GLIS3: variants seen among roughly 807,000 people sequenced by gnomAD.
The protein encoded by GLIS3 is GLIS family zinc finger 3, also known as zinc finger protein GLIS3.
In GLIS3, 53 loss-of-function variants were observed where a neutral mutation model predicts 78.6. The observed-to-expected ratio is 0.67, with a 90% CI of 0.54 to 0.85. The LOEUF (loss-of-function observed/expected upper bound fraction) is 0.85. Among genes scored for constraint, GLIS3 ranks in the 40% least tolerant of loss-of-function variants. The pLI is 0.00. For synonymous variants in GLIS3, 684 were observed against 509.9 expected, an observed-to-expected ratio of 1.34 and a Z score of -4.60; for missense variants, 1,703 against 1,231.1, an observed-to-expected ratio of 1.38 and a Z score of -5.74.
intron 2 of GLIS3, among the ~76,000 whole-genome samples, chr9:4,263,462 C>T (rs988902111): frequency 6.6e-6 from 1 of 151,214 alleles, no homozygotes; most frequent in Non-Finnish European, 1.5e-5. Context: ...TTGCCCCTGG[C>T]AAGACTAAAA....
Position 4,242,373 on chromosome 9 carries a change from T to C in GLIS3, c.388+43665A>G, listed in dbSNP as rs938303706. On this transcript the variant is annotated intron_variant, in intron 2 of 10. Coordinates refer to ENST00000381971, the MANE Select transcript of GLIS3 (RefSeq NM_001042413.2). The stretch of plus-strand genomic sequence containing the variant: ...ACCCAGGAAATCCTATACTTATTGC[T>C]CAAAAACTTGCTTTCTGAGGAACAA... Among the ~76,000 whole-genome samples the C allele has an allele frequency of 3.3e-5, 5 of 152,128 alleles. No individual in the cohort carries two copies. In the East Asian group the frequency reaches 5.8e-4, roughly 18 times the overall value.
intron 4 of GLIS3, among the ~76,000 whole-genome samples, chr9:4,069,142 G>A (rs192350529): frequency 6.6e-6 from 1 of 152,290 alleles, no homozygotes; most frequent in East Asian, 1.9e-4. Flanking sequence ...AAAATGCCCT[G>A]TTGAATATGT....
At chr9:4,144,202 C>T (rs977328953) in intron 2 of GLIS3, among the ~76,000 whole-genome samples, 3 of 151,890 alleles carry the variant, frequency 2.0e-5, no homozygotes, top group African/African-American at 7.3e-5. Context: ...ACTAACACCT[C>T]CGTCCAAAGG....
intron 4 of GLIS3, chr9:4,071,649 T>C (rs1455486978): frequency 2.0e-5 from 3 of 152,284 alleles, no homozygotes; most frequent in Middle Eastern, 3.4e-3. Flanking sequence ...CCAATATTGG[T>C]ACCCTTTAGG....
intron 2 of GLIS3, among the ~76,000 whole-genome samples, chr9:4,253,421 C>T (rs556728290): frequency 6.6e-6 from 1 of 152,210 alleles, no homozygotes; most frequent in Non-Finnish European, 1.5e-5. Flanking sequence ...GGGAAAACCA[C>T]CTACTCAAGC....
intron 2 of GLIS3, among the ~76,000 whole-genome samples, chr9:4,218,685 A>C (rs1490054195): frequency 6.6e-6 from 1 of 152,210 alleles, no homozygotes; most frequent in Non-Finnish European, 1.5e-5. Flanking sequence ...TGCAAATGGG[A>C]AAAAACTGAT....
At chr9:4,397,056 C>T in the GLIS3 span, among the ~76,000 whole-genome samples, 63 of 130,698 alleles carry the variant, frequency 4.8e-4, no homozygotes, top group African/African-American at 1.5e-3. Context: ...GAAAGAGTCT[C>T]GCTCTGTCTC....
intron 4 of GLIS3, among the ~76,000 whole-genome samples, chr9:4,066,075 C>T (rs1588585690): frequency 6.7e-6 from 1 of 148,878 alleles, no homozygotes; most frequent in Non-Finnish European, 1.5e-5. Context: ...AAACTTAAAT[C>T]CTTTAATGAA....
intron 2 of GLIS3, among the ~76,000 whole-genome samples, chr9:4,177,106 T>C (rs1007938474): frequency 6.6e-6 from 1 of 152,014 alleles, no homozygotes; most frequent in Non-Finnish European, 1.5e-5. Context: ...ACCCACTGAG[T>C]GTTATCTTGT....
At position 4,054,341 on chromosome 9, in the gene GLIS3, T is replaced by G. The variant is rs912367637; in HGVS notation, c.1710+63427A>C. 118 of 985,432 alleles carry G rather than the reference T, an allele frequency of 1.2e-4. No individual in the cohort carries two copies. The African/African-American group carries it at 1.9e-3, about 16-fold the overall frequency. The allele number at this position is 985,432 out of a possible 1,614,324, so 61.0% of individuals were successfully genotyped here. A position where few individuals can be genotyped will look rare whatever the true frequency, so the allele number is the denominator to read the frequency against. On this transcript the variant is annotated intron_variant, in intron 4 of 10. Transcript: ENST00000381971. ...TCCACAACTCCACAAGACCTCCACC[T>G]TTCCAAGCTCTCAAAAGGCACAGAG...
chr9:3,985,732 AT>A (rs367862699), intron 4 of GLIS3, among the ~76,000 whole-genome samples: 1 of 152,356 alleles, frequency 6.6e-6, no homozygotes, highest in African/African-American at 2.4e-5. Flanking sequence ...CATGTGAGAA[AT>A]CTAAGATTGG....
chr9:4,146,622 G>A (rs142922133), intron 2 of GLIS3, among the ~76,000 whole-genome samples: 3 of 152,118 alleles, frequency 2.0e-5, no homozygotes, highest in East Asian at 1.9e-4. Context: ...GGAATCTGGC[G>A]AACTGATTTT....
intron 4 of GLIS3, among the ~76,000 whole-genome samples, chr9:4,100,729 G>T (rs1047581872): frequency 6.6e-6 from 1 of 152,098 alleles, no homozygotes; most frequent in East Asian, 1.9e-4. Context: ...TAATATTGAG[G>T]GGGGGACAAA....
chr9:4,414,619 T>G, the GLIS3 span, among the ~76,000 whole-genome samples: 1 of 152,160 alleles, frequency 6.6e-6, no homozygotes, highest in African/African-American at 2.4e-5. Context: ...TTTCAGAACT[T>G]TTTTGGGTAA....
At chr9:3,909,790 T>A (rs611747) in intron 6 of GLIS3, among the ~76,000 whole-genome samples, 1 of 152,204 alleles carries the variant, frequency 6.6e-6, no homozygotes, top group Non-Finnish European at 1.5e-5. Flanking sequence ...GCCTTTCCTG[T>A]CAACTCTGTA....
chr9:4,158,390 C>G (rs1014344496), intron 2 of GLIS3, among the ~76,000 whole-genome samples: 3 of 152,176 alleles, frequency 2.0e-5, no homozygotes, highest in Non-Finnish European at 2.9e-5. Context: ...ACGGAATTAT[C>G]TGGGCTGTTC....
intron 9 of GLIS3, among the ~76,000 whole-genome samples, chr9:3,849,189 G>A (rs1291876500): frequency 1.3e-5 from 2 of 152,222 alleles, no homozygotes. Flanking sequence ...GAATGGAAGA[G>A]ATGGGAAAAC....
intron 2 of GLIS3, among the ~76,000 whole-genome samples, chr9:4,129,445 G>C (rs560943858): frequency 2.6e-5 from 4 of 152,210 alleles, no homozygotes; most frequent in Admixed American, 1.3e-4. Context: ...TGGATCATGG[G>C]GGGTGGATCC....
Position 3,959,068 on chromosome 9 carries a change from T to C in GLIS3, c.1711-21879A>G, listed in dbSNP as rs79935970. On this transcript the variant is annotated intron_variant, in intron 4 of 10. Coordinates refer to ENST00000381971, the MANE Select transcript of GLIS3 (RefSeq NM_001042413.2). ...TGGGCTTTTGCTGTGGTCTGAATGT[T>C]TGTATCCCTGCAAAATGCTTATGTT... Among the ~76,000 whole-genome samples, 127 of 152,334 alleles carry C rather than the reference T, an allele frequency of 8.3e-4. No individual in the cohort carries two copies. The East Asian group carries it at 0.023, about 27-fold the overall frequency.
Sources: allele counts gnomAD v4.1 joint callset (sites outside exome capture counted in the v4.1 genomes callset), GRCh38; gene constraint gnomAD v4.1.1; transcripts MANE v1.5; gene names NCBI Gene and HGNC (gene_info 2026-07-23, HGNC 2026-07-21).